SLC24A2: variants seen among roughly 807,000 people sequenced by gnomAD.
The protein encoded by SLC24A2 is sodium/potassium/calcium exchanger 2.
SLC24A2 carries 36 observed loss-of-function variants against 62.0 expected under a neutral mutation model. That is an observed-to-expected ratio of 0.58 (90% CI 0.44 to 0.77). The LOEUF is 0.77. SLC24A2 is among the 30% of genes least tolerant of loss of function. The pLI, the probability that SLC24A2 is intolerant of heterozygous loss-of-function variation, is 0.00. For missense variants in SLC24A2, 846 were observed against 817.9 expected, an observed-to-expected ratio of 1.03 and a Z score of -0.42; for synonymous variants, 358 against 294.0, an observed-to-expected ratio of 1.22 and a Z score of -2.23.
chr9:20,063,447 A>C, the SLC24A2 span, among the ~76,000 whole-genome samples: 1 of 137,766 alleles, frequency 7.3e-6, no homozygotes, highest in African/African-American at 2.7e-5. Flanking sequence ...AACAATGAGA[A>C]CACATGGACA....
intron 2 of SLC24A2, among the ~76,000 whole-genome samples, chr9:19,639,375 C>T (rs984432725): frequency 5.3e-5 from 8 of 152,130 alleles, no homozygotes; most frequent in Non-Finnish European, 1.0e-4. Context: ...AATCTTGTGA[C>T]GCTTTGGGCA....
At chr9:19,732,595 G>A (rs1334606955) in intron 2 of SLC24A2, among the ~76,000 whole-genome samples, 1 of 152,154 alleles carries the variant, frequency 6.6e-6, no homozygotes, top group East Asian at 1.9e-4. Context: ...GTCTTAATGA[G>A]GCTTTGGCAA....
At chr9:19,633,951 G>A (rs1408176738) in intron 2 of SLC24A2, among the ~76,000 whole-genome samples, 3 of 152,130 alleles carry the variant, frequency 2.0e-5, no homozygotes, top group Non-Finnish European at 4.4e-5. Flanking sequence ...TTTTGATGAG[G>A]TTGAATTTTA....
the SLC24A2 span, among the ~76,000 whole-genome samples, chr9:20,100,204 G>GTT: frequency 5.1e-3 from 779 of 151,318 alleles, 10 homozygotes; most frequent in African/African-American, 0.018. Context: ...GTTTTTGTTT[G>GTT]TTTTTTTTGT....
Position 19,580,445 on chromosome 9 carries a change from A to G in SLC24A2, c.1130-3423T>C, listed in dbSNP as rs557767955. ...CACTGGATACGCCTGAGATCATCAC[A>G]GGGCACCTTTTGAGAAATGCTGTGA... On this transcript the variant is annotated intron_variant, in intron 5 of 10. Transcript: ENST00000341998. Among the ~76,000 whole-genome samples the G allele has an allele frequency of 8.5e-5, 13 of 152,352 alleles. 1 individual carries two copies. Among genetic ancestry groups the G allele is most frequent in the African/African-American group, 2.9e-4 (12 of 41,588 alleles).
chr9:19,738,871 C>T (rs1171423010), intron 2 of SLC24A2, among the ~76,000 whole-genome samples: 1 of 152,156 alleles, frequency 6.6e-6, no homozygotes, highest in Non-Finnish European at 1.5e-5. Context: ...GTGATCCCAG[C>T]ACTTTGGGAG....
the SLC24A2 span, among the ~76,000 whole-genome samples, chr9:20,083,167 G>T: frequency 6.6e-6 from 1 of 152,222 alleles, no homozygotes; most frequent in Non-Finnish European, 1.5e-5. Flanking sequence ...TTGTGTGATT[G>T]GAGTACATAT....
the SLC24A2 span, among the ~76,000 whole-genome samples, chr9:20,044,524 C>A: frequency 1.4e-4 from 22 of 152,154 alleles, 1 homozygote; most frequent in East Asian, 3.3e-3. Flanking sequence ...CATTCCATTC[C>A]TTTTGCTGGG....
chr9:20,130,270 T>C, the SLC24A2 span, among the ~76,000 whole-genome samples: 1 of 151,186 alleles, frequency 6.6e-6, no homozygotes, highest in African/African-American at 2.4e-5. Context: ...AGTTAGCTCA[T>C]TGAAAAGAGA....
chr9:19,906,248 A>G, the SLC24A2 span, among the ~76,000 whole-genome samples: 1 of 152,094 alleles, frequency 6.6e-6, no homozygotes, highest in Admixed American at 6.5e-5. Flanking sequence ...AACGAAATGA[A>G]GGCAGAAATA....
rs1836032658 is a variant in SLC24A2, at chr9:19,576,940, C to A, written c.1212G>T (p.Gly404=). The A allele has an allele frequency of 1.2e-6, 2 of 1,613,476 alleles. No homozygotes were observed. The highest frequency in any genetic ancestry group is 2.2e-5 in the East Asian group (1 of 44,878). The change falls in exon 6 of 11, where the codon GGG becomes GGT. Residue 404 remains glycine (G), a synonymous_variant. Transcript: ENST00000341998. ...CHVDENERQN[G]AANHVEKIEL... ...TGCACTCACCCACGTGGTTGGCAGC[C>A]CCATTCTGCCTCTCGTTCTCATCCA...
chr9:20,065,495 C>T, the SLC24A2 span, among the ~76,000 whole-genome samples: 8 of 152,180 alleles, frequency 5.3e-5, no homozygotes, highest in African/African-American at 9.7e-5. Context: ...AGGAAGCTAA[C>T]GTTTCTCAAG....
intron 2 of SLC24A2, among the ~76,000 whole-genome samples, chr9:19,761,012 T>C (rs906994951): frequency 2.0e-5 from 3 of 152,072 alleles, no homozygotes; most frequent in Admixed American, 6.6e-5. Context: ...TGTATACGTA[T>C]GTAACAAATC....
chr9:19,573,124 G>A lies in SLC24A2; in HGVS notation c.1347+227C>T, dbSNP rs982544549. Reference sequence around the variant, plus strand: ...CATGAGTCCTTCAACCTCACCTGGAGAAACAGTGGCTTAGAGAATATTCAT... The same window carrying A: ...CATGAGTCCTTCAACCTCACCTGGAAAAACAGTGGCTTAGAGAATATTCAT... On this transcript the variant is annotated intron_variant, in intron 7 of 10. Coordinates refer to ENST00000341998, the MANE Select transcript of SLC24A2 (RefSeq NM_020344.4). Among the ~76,000 whole-genome samples the A allele has an allele frequency of 2.0e-5, 3 of 152,144 alleles. No individual in the cohort carries two copies. The South Asian group carries it at 6.2e-4, about 31-fold the overall frequency.
chr9:19,573,899 G>T (rs1037897613), intron 6 of SLC24A2, among the ~76,000 whole-genome samples: 2 of 152,114 alleles, frequency 1.3e-5, no homozygotes, highest in African/African-American at 2.4e-5. Context: ...ACATACTATT[G>T]TTTACACCCT....
intron 10 of SLC24A2, among the ~76,000 whole-genome samples, chr9:19,517,910 AACACAC>A (rs56840950): frequency 0.14 from 17,868 of 131,538 alleles, 1,136 homozygotes; most frequent in East Asian, 0.17. Context: ...TTCTTATTAA[AACACAC>A]ACACACACAC....
intron 2 of SLC24A2, among the ~76,000 whole-genome samples, chr9:19,659,427 T>C (rs150392149): frequency 6.6e-6 from 1 of 152,328 alleles, no homozygotes; most frequent in East Asian, 1.9e-4. Context: ...CATTTACTTA[T>C]GTCTTTGGAA....
the SLC24A2 span, among the ~76,000 whole-genome samples, chr9:19,893,399 T>A: frequency 6.6e-6 from 1 of 152,112 alleles, no homozygotes; most frequent in African/African-American, 2.4e-5. Flanking sequence ...ACACCACACA[T>A]CTTGGATCAG....
chr9:20,008,060 T>C, the SLC24A2 span, among the ~76,000 whole-genome samples: 30 of 151,610 alleles, frequency 2.0e-4, no homozygotes, highest in Non-Finnish European at 4.0e-4. Context: ...CATGCCCAGG[T>C]AATTTTTCTA....
Sources: allele counts gnomAD v4.1 joint callset (sites outside exome capture counted in the v4.1 genomes callset), GRCh38; gene constraint gnomAD v4.1.1; transcripts MANE v1.5; gene names NCBI Gene and HGNC (gene_info 2026-07-23, HGNC 2026-07-21).